The following DENND1B variants were observed in gnomAD, a reference collection of about 807,000 sequenced individuals.
DENND1B encodes the protein DENN domain-containing protein 1B.
DENND1B carries 59 observed loss-of-function variants against 90.1 expected under a neutral mutation model. The ratio of observed to expected loss-of-function variants is 0.65; its 90% CI spans 0.53 to 0.81. The LOEUF (loss-of-function observed/expected upper bound fraction) is 0.81, where lower values mean the gene tolerates loss of function less well. Ranked by LOEUF, DENND1B falls within the 40% of genes least tolerant of loss-of-function variation. The pLI, the probability that DENND1B is intolerant of heterozygous loss-of-function variation, is 0.00. For missense variants in DENND1B, 862 were observed against 912.6 expected, an observed-to-expected ratio of 0.94 and a Z score of 0.71; for synonymous variants, 337 against 324.6, an observed-to-expected ratio of 1.04 and a Z score of -0.41.
chr1:197,616,140 C>T (rs575499420), intron 11 of DENND1B, among the ~76,000 whole-genome samples: 1 of 150,864 alleles, frequency 6.6e-6, no homozygotes, highest in South Asian at 2.1e-4. Flanking sequence ...TAAGATGGCA[C>T]TAACATCATA....
In DENND1B at chr1:197,510,506, T is replaced by C; in HGVS notation, c.2282A>G (p.Gln761Arg). 1 of 1,611,162 alleles carries C rather than the reference T, an allele frequency of 6.2e-7. No homozygotes were observed. The highest frequency in any genetic ancestry group is 8.5e-7 in the Non-Finnish European group (1 of 1,178,426). ...SLCHMTSDFQ[Q>R]SLNISDKNTN... ...GTTTTTGTCTGAAATGTTCAAGCTT[T>C]GTTGGAAGTCAGATGTCATATGACA... Residue 761 changes from glutamine (Q) to arginine (R), a missense_variant, in exon 23 of 23, where the codon CAA becomes CGA. Coordinates refer to ENST00000620048, the MANE Select transcript of DENND1B (RefSeq NM_001195215.2).
chr1:197,590,213 T>A (rs546127936), intron 14 of DENND1B, among the ~76,000 whole-genome samples: 1 of 152,308 alleles, frequency 6.6e-6, no homozygotes, highest in East Asian at 1.9e-4. Flanking sequence ...CAGCATTTAC[T>A]ACATGGCAAT....
chr1:197,647,959 A>G (rs945325255), intron 7 of DENND1B, among the ~76,000 whole-genome samples: 2 of 152,028 alleles, frequency 1.3e-5, no homozygotes, highest in Non-Finnish European at 1.5e-5. Context: ...AAAAAAAAAA[A>G]AAAAAGATAT....
In DENND1B at chr1:197,602,327, T is replaced by A. The variant is rs543278414; in HGVS notation, c.921+4746A>T. Reference sequence around the variant, plus strand: ...CCAAGGCTGTGTGGTGGAGGCAAGGTACACCTAGATGCCTGAGTTCTAACA... The same window carrying A: ...CCAAGGCTGTGTGGTGGAGGCAAGGAACACCTAGATGCCTGAGTTCTAACA... On this transcript the variant is annotated intron_variant, in intron 13 of 22. Coordinates refer to ENST00000620048, the MANE Select transcript of DENND1B (RefSeq NM_001195215.2). Among the ~76,000 whole-genome samples the A allele has an allele frequency of 8.8e-4, 134 of 151,602 alleles. 4 individuals carry two copies. The South Asian group carries it at 0.025, about 28-fold the overall frequency.
At chr1:197,511,996 T>A (rs1366213293) in intron 21 of DENND1B, 52 bp from the exon 22 acceptor site, 1 of 1,386,758 alleles carries the variant, frequency 7.2e-7, no homozygotes, top group Non-Finnish European at 9.9e-7. Context: ...ATTTGCTGCA[T>A]GTAAGTAATC....
At chr1:197,763,039 G>A (rs930045131) in intron 2 of DENND1B, among the ~76,000 whole-genome samples, 14 of 152,084 alleles carry the variant, frequency 9.2e-5, no homozygotes, top group Admixed American at 2.0e-4. Flanking sequence ...CCAGCTTGGC[G>A]GTGGCTCACA....
intron 8 of DENND1B, 106 bp downstream of exon 8, chr1:197,646,949 C>T: frequency 1.3e-6 from 1 of 760,422 alleles, no homozygotes; most frequent in Non-Finnish European, 2.0e-6. Context: ...GAGTCAAATT[C>T]ACCATTTCCC....
intron 10 of DENND1B, among the ~76,000 whole-genome samples, chr1:197,633,628 T>C (rs1336424044): frequency 6.6e-6 from 1 of 152,146 alleles, no homozygotes; most frequent in Non-Finnish European, 1.5e-5. Flanking sequence ...GGGCAGTTTC[T>C]GCAGTGCCTG....
intron 15 of DENND1B, among the ~76,000 whole-genome samples, chr1:197,577,137 T>C (rs1673752415): frequency 6.6e-6 from 1 of 152,054 alleles, no homozygotes; most frequent in Admixed American, 6.6e-5. Context: ...GGGAAGACTT[T>C]AGAGAGATGA....
At chr1:197,579,271 A>T (rs1673981635) in intron 15 of DENND1B, among the ~76,000 whole-genome samples, 1 of 152,180 alleles carries the variant, frequency 6.6e-6, no homozygotes, top group African/African-American at 2.4e-5. Flanking sequence ...AAATGTCCTC[A>T]TGTCACTCAT....
intron 14 of DENND1B, among the ~76,000 whole-genome samples, chr1:197,586,633 G>T (rs1417977190): frequency 6.6e-6 from 1 of 152,214 alleles, no homozygotes; most frequent in Non-Finnish European, 1.5e-5. Flanking sequence ...AGGAGAAGTT[G>T]ATAAAATCAA....
chr1:197,644,916 G>A (rs16841846), intron 9 of DENND1B, among the ~76,000 whole-genome samples: 5,153 of 152,080 alleles, frequency 0.034, 300 homozygotes, highest in African/African-American at 0.11. Flanking sequence ...TTTTGATTGA[G>A]TTATTCCTAC....
intron 13 of DENND1B, among the ~76,000 whole-genome samples, chr1:197,597,355 G>A (rs1675795327): frequency 1.3e-5 from 2 of 151,188 alleles, no homozygotes; most frequent in Admixed American, 1.3e-4. Flanking sequence ...TACGATGTAA[G>A]GAATATGATT....
intron 2 of DENND1B, among the ~76,000 whole-genome samples, chr1:197,721,065 A>ATTTTTTT (rs11371047): frequency 8.1e-5 from 8 of 98,944 alleles, no homozygotes; most frequent in Non-Finnish European, 9.5e-5. Flanking sequence ...GAGAAACGGC[A>ATTTTTTT]TTTTTTTTTT....
At chr1:197,771,218 A>G (rs1021148753) in intron 2 of DENND1B, among the ~76,000 whole-genome samples, 4 of 152,082 alleles carry the variant, frequency 2.6e-5, no homozygotes, top group African/African-American at 9.7e-5. Flanking sequence ...CGCCTTTACA[A>G]GCAATATCAG....
At position 197,536,577 on chromosome 1, in the gene DENND1B, G is replaced by A. The variant is rs539228047; in HGVS notation, c.1515+3387C>T. On this transcript the variant is annotated intron_variant, in intron 20 of 22. Transcript: ENST00000620048. ...GGAAAAAAATTAAGGGTGAAATGTA[G>A]CAGAAAACAATTGCTAGAGGGCCCA... Among the ~76,000 whole-genome samples, 4 of 152,128 alleles carry A rather than the reference G, an allele frequency of 2.6e-5. No homozygotes were observed. The South Asian group carries it at 6.2e-4, about 24-fold the overall frequency.
intron 21 of DENND1B, 23 bp from the exon 22 acceptor site, chr1:197,511,967 G>A (rs775341414): frequency 2.6e-6 from 4 of 1,566,274 alleles, no homozygotes; most frequent in African/African-American, 1.4e-5. Flanking sequence ...AAAACACGCA[G>A]TAGTAGGTAA....
intron 2 of DENND1B, chr1:197,735,522 T>A: frequency 1.2e-6 from 2 of 1,609,570 alleles, no homozygotes; most frequent in Non-Finnish European, 1.7e-6. Context: ...TACTTTAGTG[T>A]GAACTATGAA....
Position 197,754,659 on chromosome 1 carries a change from C to CAAAAAAAAAAA in DENND1B, c.82+18198_82+18208dup, listed in dbSNP as rs57926782. Reference sequence around the variant, plus strand: ...TGGGCAACAATGCGAGACTCTGTCTCAAAAAAAAAAAAAAAAAAAAAAAAA... The same window carrying CAAAAAAAAAAA: ...TGGGCAACAATGCGAGACTCTGTCTCAAAAAAAAAAAAAAAAAAAAAAAAAAAAAAAAAAAA... On this transcript the variant is annotated intron_variant, in intron 2 of 22. Coordinates refer to ENST00000620048, the MANE Select transcript of DENND1B (RefSeq NM_001195215.2). Among the ~76,000 whole-genome samples the CAAAAAAAAAAA allele has an allele frequency of 1.4e-3, 101 of 72,870 alleles. 6 individuals carry two copies. The highest frequency in any genetic ancestry group is 1.6e-3 in the East Asian group (4 of 2,580). The allele number at this position is 72,870 out of a possible 152,430, so 47.8% of individuals were successfully genotyped here.
Sources: allele counts gnomAD v4.1 joint callset (sites outside exome capture counted in the v4.1 genomes callset), GRCh38; gene constraint gnomAD v4.1.1; transcripts MANE v1.5; gene names NCBI Gene and HGNC (gene_info 2026-07-23, HGNC 2026-07-21).